CNKSR3: variants seen among roughly 807,000 people sequenced by gnomAD.
The protein encoded by CNKSR3 is CNKSR family member 3.
In CNKSR3, 36 loss-of-function variants were observed where a neutral mutation model predicts 67.7. The observed-to-expected ratio is 0.53, with a 90% CI of 0.41 to 0.70. The LOEUF (loss-of-function observed/expected upper bound fraction) is 0.70. Ranked by LOEUF, CNKSR3 falls within the 30% of genes least tolerant of loss-of-function variation. CNKSR3 has a pLI of 0.00. For synonymous variants in CNKSR3, 281 were observed against 271.4 expected (o/e 1.04, Z -0.35); for missense variants, 630 against 695.2 (o/e 0.91, Z 1.05).
At chr6:154,468,223 G>A (rs1257864132) in intron 1 of CNKSR3, among the ~76,000 whole-genome samples, 1 of 151,410 alleles carries the variant, frequency 6.6e-6, no homozygotes, top group African/African-American at 2.4e-5. Context: ...AGGATTATAA[G>A]CAGGCACCAC....
chr6:154,411,806 T>C (rs931339619), intron 10 of CNKSR3, among the ~76,000 whole-genome samples: 5 of 152,176 alleles, frequency 3.3e-5, no homozygotes, highest in African/African-American at 1.2e-4. Flanking sequence ...ACGTTGCTCA[T>C]GCCAAGAGTC....
intron 1 of CNKSR3, among the ~76,000 whole-genome samples, chr6:154,484,359 G>A (rs183405696): frequency 2.0e-5 from 3 of 152,204 alleles, no homozygotes; most frequent in Non-Finnish European, 4.4e-5. Context: ...GTTCACCAAC[G>A]TGAACAGGAT....
intron 2 of CNKSR3, among the ~76,000 whole-genome samples, chr6:154,447,303 G>A (rs1430608957): frequency 6.6e-6 from 1 of 152,082 alleles, no homozygotes; most frequent in African/African-American, 2.4e-5. Flanking sequence ...TACAACCGAG[G>A]AACTGAATTT....
intron 1 of CNKSR3, among the ~76,000 whole-genome samples, chr6:154,495,766 C>T (rs1786864586): frequency 6.6e-6 from 1 of 152,074 alleles, no homozygotes; most frequent in African/African-American, 2.4e-5. Context: ...CACGTGTATT[C>T]AGACCCTGCC....
chr6:154,457,427 A>G (rs1248996871), intron 1 of CNKSR3, among the ~76,000 whole-genome samples: 3 of 152,156 alleles, frequency 2.0e-5, no homozygotes, highest in Non-Finnish European at 4.4e-5. Flanking sequence ...TATGTTTGAA[A>G]CCCAGCAGTG....
chr6:154,471,786 T>C (rs946210365), intron 1 of CNKSR3, among the ~76,000 whole-genome samples: 1 of 152,160 alleles, frequency 6.6e-6, no homozygotes, highest in Non-Finnish European at 1.5e-5. Context: ...ATCTCTTTAC[T>C]ATCCCAGGCA....
chr6:154,447,972 A>T (rs1785740858), intron 2 of CNKSR3, among the ~76,000 whole-genome samples: 1 of 152,190 alleles, frequency 6.6e-6, no homozygotes, highest in Non-Finnish European at 1.5e-5. Context: ...AAGACATTTT[A>T]GTAAAACTCA....
chr6:154,496,667 T>C (rs1163051699), intron 1 of CNKSR3, among the ~76,000 whole-genome samples: 1 of 152,140 alleles, frequency 6.6e-6, no homozygotes, highest in Non-Finnish European at 1.5e-5. Flanking sequence ...GGTCAAATAG[T>C]CCCCATTAAA....
At position 154,387,822 on chromosome 6, in the gene CNKSR3, TC is replaced by T. The variant is rs1478073079; in HGVS notation, c.*18531del. The T allele has an allele frequency of 3.9e-5, 6 of 152,340 alleles. No individual in the cohort carries two copies. Among genetic ancestry groups the T allele is most frequent in the Non-Finnish European group, 7.3e-5 (5 of 68,028 alleles). The allele number at this position is 152,340 out of a possible 1,614,324, so 9.4% of individuals were successfully genotyped here. A position where few individuals can be genotyped will look rare whatever the true frequency, so the allele number is the denominator to read the frequency against. ...AAATGTATTATGCATTTATTTTTTA[TC>T]ATTTGAAATAATAGCTTATAAATAA... On this transcript the variant is annotated 3_prime_UTR_variant, in exon 13 of 13. Transcript: ENST00000607772.
At chr6:154,493,724 G>C (rs1226929100) in intron 1 of CNKSR3, among the ~76,000 whole-genome samples, 1 of 152,208 alleles carries the variant, frequency 6.6e-6, no homozygotes, top group African/African-American at 2.4e-5. Flanking sequence ...CATGTCGGAA[G>C]GCGAAGGGGA....
At chr6:154,447,132 T>G (rs1342770314) in intron 2 of CNKSR3, among the ~76,000 whole-genome samples, 1 of 152,166 alleles carries the variant, frequency 6.6e-6, no homozygotes, top group Non-Finnish European at 1.5e-5. Context: ...CAGTCATACT[T>G]ATCCTTATTG....
chr6:154,483,074 C>T (rs1786597066), intron 1 of CNKSR3, among the ~76,000 whole-genome samples: 1 of 152,196 alleles, frequency 6.6e-6, no homozygotes, highest in Non-Finnish European at 1.5e-5. Flanking sequence ...AAGCTGCATC[C>T]ACACCTTTAC....
intron 1 of CNKSR3, among the ~76,000 whole-genome samples, chr6:154,508,733 G>A (rs1331889146): frequency 1.3e-5 from 2 of 152,166 alleles, no homozygotes; most frequent in Non-Finnish European, 2.9e-5. Flanking sequence ...TTTTATATAG[G>A]AGTCCAGGAA....
chr6:154,450,937 C>G (rs1260618386), intron 1 of CNKSR3, among the ~76,000 whole-genome samples: 1 of 152,174 alleles, frequency 6.6e-6, no homozygotes, highest in African/African-American at 2.4e-5. Context: ...CTATATGCCC[C>G]TGGATCTAAC....
At chr6:154,462,977 G>T (rs1163916108) in intron 1 of CNKSR3, among the ~76,000 whole-genome samples, 1 of 152,178 alleles carries the variant, frequency 6.6e-6, no homozygotes, top group Admixed American at 6.5e-5. Flanking sequence ...GGAAGGAAAA[G>T]TCCAGCTGAG....
At chr6:154,485,212 G>T (rs1450643359) in intron 1 of CNKSR3, among the ~76,000 whole-genome samples, 1 of 152,186 alleles carries the variant, frequency 6.6e-6, no homozygotes, top group Non-Finnish European at 1.5e-5. Flanking sequence ...TGTTTGGGAG[G>T]AGAGGATTGG....
rs35873703 is a variant in CNKSR3, at chr6:154,415,228, A to ATTTTTTTTTTTTTTTTTTTTTTTTT, written c.946-806_946-805insAAAAAAAAAAAAAAAAAAAAAAAAA. 6.4e-4 allele frequency among the ~76,000 whole-genome samples: 75 copies of ATTTTTTTTTTTTTTTTTTTTTTTTT among 118,098 alleles called. 7 individuals carry two copies. In the South Asian group the frequency reaches 8.7e-3, roughly 14 times the overall value. The allele number at this position is 118,098 out of a possible 152,430, so 77.5% of individuals were successfully genotyped here. The stretch of plus-strand genomic sequence containing the variant: ...TCCTGGCTAGACTTACTAGCTGCCC[A>ATTTTTTTTTTTTTTTTTTTTTTTTT]TTTTTTTTTTTTTTTTTTTTAAGAT... On this transcript the variant is annotated intron_variant, in intron 9 of 12. Coordinates refer to ENST00000607772, the MANE Select transcript of CNKSR3 (RefSeq NM_173515.4).
chr6:154,440,763 G>A (rs1305668616), intron 4 of CNKSR3, among the ~76,000 whole-genome samples: 2 of 152,114 alleles, frequency 1.3e-5, no homozygotes, highest in African/African-American at 4.8e-5. Flanking sequence ...ATGAGGAGTC[G>A]GAGGTGATTG....
Position 154,441,361 on chromosome 6 carries a change from G to C in CNKSR3, c.438C>G (p.Ile146Met), listed in dbSNP as rs765790151. Residue 146 changes from isoleucine (I) to methionine (M), a missense_variant, in exon 4 of 13, where the codon ATC (isoleucine) becomes ATG (methionine). By Grantham distance (10) the Ile-to-Met change is conservative (BLOSUM62 1). Around this residue, in one of 3 missense-constraint regions of CNKSR3, gnomAD observed 189 missense variants for 205.0 expected, o/e 0.92. Transcript: ENST00000607772. ...TGTTCTTCGTGACTGAGAAATCAGT[G>C]ATCCCTGTAAACGGAGCCCTAGAAG... ...AWLDRAPFTG[I>M]TDFSVTKNKI... 7.4e-6 allele frequency: 12 copies of C among 1,613,622 alleles called. No homozygotes were observed. In the South Asian group the frequency reaches 1.1e-4, roughly 15 times the overall value.
Sources: gnomAD v4.1 joint callset for allele counts (sites outside exome capture counted in the v4.1 genomes callset) on GRCh38, gnomAD v4.1.1 for gene constraint, gnomAD v4.1.1 regional missense constraint, MANE v1.5 for transcripts, NCBI Gene and HGNC (gene_info 2026-07-23, HGNC 2026-07-21) for gene names.